The following DLG2 variants were observed in gnomAD, a reference collection of about 807,000 sequenced individuals.
DLG2 encodes the protein discs large MAGUK scaffold protein 2.
A neutral mutation model predicts 132.5 loss-of-function variants in DLG2; 45 were observed. The observed-to-expected ratio is 0.34, with a 90% CI of 0.27 to 0.44. The LOEUF is 0.44. DLG2 is among the 20% of genes least tolerant of loss of function. The pLI, the probability that DLG2 is intolerant of heterozygous loss-of-function variation, is 1.00. For missense variants in DLG2, 1,045 were observed against 1,196.9 expected (o/e 0.87, Z 1.87); for synonymous variants, 424 against 419.6 (o/e 1.01, Z -0.13).
At chr11:84,453,443 TAGAAG>T (rs1293238885) in intron 7 of DLG2, among the ~76,000 whole-genome samples, 2 of 151,526 alleles carry the variant, frequency 1.3e-5, no homozygotes, top group African/African-American at 2.4e-5. Flanking sequence ...GTAGTAAGGC[TAGAAG>T]AGAAATGGGA....
intron 10 of DLG2, among the ~76,000 whole-genome samples, chr11:84,095,880 T>G (rs568682490): frequency 2.0e-5 from 3 of 152,136 alleles, no homozygotes; most frequent in Non-Finnish European, 4.4e-5. Flanking sequence ...ACAACCTTAG[T>G]AGGCAATATT....
At chr11:85,103,071 A>G (rs2071134545) in intron 6 of DLG2, among the ~76,000 whole-genome samples, 1 of 151,980 alleles carries the variant, frequency 6.6e-6, no homozygotes. Context: ...AAAGAAGGGC[A>G]AAACTTGTAT....
In DLG2 at chr11:85,597,590, T is replaced by A. The variant is rs540121871; in HGVS notation, c.40+1067A>T. Among the ~76,000 whole-genome samples, 7 of 152,012 alleles carry A rather than the reference T, an allele frequency of 4.6e-5. No homozygotes were observed. In the East Asian group the frequency reaches 1.4e-3, roughly 29 times the overall value. ...ATCCTGTAAAGCTTTACACTTCTAT[T>A]TTTATTCAATAGACCGATTTTCAAA... On this transcript the variant is annotated intron_variant, in intron 3 of 27. Transcript: ENST00000376104.
chr11:85,581,487 G>A (rs1285295152), intron 3 of DLG2, among the ~76,000 whole-genome samples: 9 of 152,016 alleles, frequency 5.9e-5, no homozygotes, highest in African/African-American at 1.7e-4. Context: ...GCGTGGTGGC[G>A]TGCACCTGTA....
At chr11:85,362,943 A>T (rs933487566) in intron 3 of DLG2, among the ~76,000 whole-genome samples, 3 of 152,298 alleles carry the variant, frequency 2.0e-5, no homozygotes, top group South Asian at 2.1e-4. Context: ...AAGCATCACT[A>T]ATTTGCCAGG....
intron 17 of DLG2, among the ~76,000 whole-genome samples, chr11:83,797,014 G>A (rs1473896640): frequency 2.0e-5 from 3 of 152,134 alleles, no homozygotes; most frequent in Non-Finnish European, 4.4e-5. Context: ...GGTCATGAAT[G>A]TTAGCAAGGT....
intron 7 of DLG2, among the ~76,000 whole-genome samples, chr11:84,522,862 G>A (rs1009219094): frequency 3.3e-5 from 5 of 152,140 alleles, no homozygotes; most frequent in African/African-American, 1.2e-4. Flanking sequence ...TAAAGGTTAT[G>A]CATATGTTCC....
chr11:84,251,263 G>T lies in DLG2; in HGVS notation c.548C>A (p.Thr183Lys). ...KASPAPIIVNTDTLDTIPYVN... is the reference protein window; with the variant it reads ...KASPAPIIVNKDTLDTIPYVN... ...ATAAGGAATTGTGTCCAAAGTATCT[G>T]TGTTGACAATTATAGGAGCAGGACT... is the stretch of plus-strand genomic sequence containing the variant. The change falls in exon 8 of 28, where the codon ACA becomes AAA. Residue 183 changes from threonine (T) to lysine (K), a missense_variant. Coordinates refer to ENST00000376104, the MANE Select transcript of DLG2 (RefSeq NM_001142699.3). 1 of 1,592,198 alleles carries T rather than the reference G, an allele frequency of 6.3e-7. No individual in the cohort carries two copies. The highest frequency in any genetic ancestry group is 8.5e-7 in the Non-Finnish European group (1 of 1,171,882).
chr11:84,733,947 T>C (rs777078323), intron 6 of DLG2, among the ~76,000 whole-genome samples: 19 of 152,298 alleles, frequency 1.2e-4, no homozygotes, highest in Admixed American at 5.9e-4. Flanking sequence ...CAGATGGTTG[T>C]AGATATGTGG....
intron 6 of DLG2, among the ~76,000 whole-genome samples, chr11:84,701,386 C>T (rs1213896199): frequency 1.3e-5 from 2 of 151,538 alleles, no homozygotes; most frequent in East Asian, 3.9e-4. Context: ...GTAGGTACTT[C>T]TGCCTTTCTT....
intron 11 of DLG2, among the ~76,000 whole-genome samples, chr11:84,033,521 C>T (rs1334048445): frequency 6.6e-6 from 1 of 152,166 alleles, no homozygotes; most frequent in Non-Finnish European, 1.5e-5. Flanking sequence ...ACCTACTCCT[C>T]TGGTGAAGAT....
At chr11:85,150,824 G>T (rs1470580290) in intron 5 of DLG2, among the ~76,000 whole-genome samples, 1 of 150,640 alleles carries the variant, frequency 6.6e-6, no homozygotes, top group Admixed American at 6.7e-5. Context: ...TGCAAATAAG[G>T]CTGTGATGAC....
chr11:85,471,381 C>A (rs1182596619), intron 3 of DLG2, among the ~76,000 whole-genome samples: 2 of 151,754 alleles, frequency 1.3e-5, no homozygotes, highest in Non-Finnish European at 2.9e-5. Flanking sequence ...GCCGACCTAT[C>A]AAATGGAAGG....
chr11:84,819,619 C>A lies in DLG2; in HGVS notation c.358-284888G>T, dbSNP rs913239356. Among the ~76,000 whole-genome samples the A allele has an allele frequency of 8.6e-5, 13 of 151,910 alleles. No homozygotes were observed. The East Asian group carries it at 2.5e-3, about 30-fold the overall frequency. ...TAATACCCAGATTCACTCTTCAAAT[C>A]CAGATAAAATGAAGCATCAACTAAA... On this transcript the variant is annotated intron_variant, in intron 6 of 27. Coordinates refer to ENST00000376104, the MANE Select transcript of DLG2 (RefSeq NM_001142699.3).
intron 3 of DLG2, among the ~76,000 whole-genome samples, chr11:85,314,725 A>C (rs2080536991): frequency 2.0e-5 from 3 of 152,016 alleles, no homozygotes; most frequent in Admixed American, 2.0e-4. Context: ...GGCTTTATGA[A>C]AAGCCATGAA....
intron 3 of DLG2, among the ~76,000 whole-genome samples, chr11:85,342,664 T>C (rs1236435044): frequency 6.6e-6 from 1 of 152,238 alleles, no homozygotes; most frequent in African/African-American, 2.4e-5. Context: ...CATAATTGTA[T>C]GTGCTAGACT....
chr11:85,256,075 C>A lies in DLG2; in HGVS notation c.186+29145G>T, dbSNP rs2076649862. Among the ~76,000 whole-genome samples the A allele has an allele frequency of 2.6e-5, 4 of 152,164 alleles. No homozygotes were observed. In the South Asian group the frequency reaches 8.3e-4, roughly 32 times the overall value. On this transcript the variant is annotated intron_variant, in intron 4 of 27. Coordinates refer to ENST00000376104, the MANE Select transcript of DLG2 (RefSeq NM_001142699.3). ...AAGGCCCAACCTCCAGGCCTGGAAA[C>A]CTGTGGCCCTAAATGGGAACAAGCA...
intron 19 of DLG2, among the ~76,000 whole-genome samples, chr11:83,606,676 C>A (rs568652486): frequency 6.6e-5 from 10 of 151,728 alleles, no homozygotes; most frequent in African/African-American, 2.4e-4. Flanking sequence ...GCCTGTAATC[C>A]CAGCACTTTG....
intron 8 of DLG2, among the ~76,000 whole-genome samples, chr11:84,202,729 G>A (rs1484929904): frequency 1.3e-5 from 2 of 152,140 alleles, no homozygotes; most frequent in East Asian, 1.9e-4. Flanking sequence ...TATGACAAAA[G>A]TGTAACATCC....
Sources: allele counts gnomAD v4.1 joint callset (sites outside exome capture counted in the v4.1 genomes callset), GRCh38; gene constraint gnomAD v4.1.1; transcripts MANE v1.5; gene names NCBI Gene and HGNC (gene_info 2026-07-23, HGNC 2026-07-21).